Variants in MISP observed in about 807,000 individuals in gnomAD.
MISP encodes mitotic spindle positioning, also known as mitotic interactor and substrate of PLK1.
In MISP, 51 loss-of-function variants were observed where a neutral mutation model predicts 49.3. The ratio of observed to expected loss-of-function variants is 1.03; its 90% confidence interval spans 0.83 to 1.31. MISP has a LOEUF of 1.31. MISP is among the 50% of genes most tolerant of loss of function. MISP has a pLI of 0.00. For missense variants in MISP, 1,084 were observed against 935.1 expected, an observed-to-expected ratio of 1.16 and a Z score of -2.08; for synonymous variants, 444 against 392.6, an observed-to-expected ratio of 1.13 and a Z score of -1.55.
chr19:761,527 C>T (rs2033671551), intron 3 of MISP, 98 bp from the exon 4 acceptor site: 3 of 1,416,112 alleles, frequency 2.1e-6, no homozygotes, highest in Non-Finnish European at 3.0e-6. Flanking sequence ...TCCACTCTTC[C>T]CCAAATGGTG....
chr19:754,381 T>G (rs554721779), intron 1 of MISP, among the ~76,000 whole-genome samples: 34 of 152,194 alleles, frequency 2.2e-4, no homozygotes, highest in South Asian at 1.0e-3. Context: ...GAGAATGGCG[T>G]GAACCTGGGA....
At chr19:751,658 C>G (rs56002617) in intron 1 of MISP, among the ~76,000 whole-genome samples, 5 of 152,136 alleles carry the variant, frequency 3.3e-5, no homozygotes, top group African/African-American at 1.2e-4. Context: ...TGGCTGAGTA[C>G]AGGCGGAAGG....
Position 758,622 on chromosome 19 carries a change from A to G in MISP, c.1676A>G (p.Gln559Arg), listed in dbSNP as rs1050394730. 7.4e-6 allele frequency: 12 copies of G among 1,614,096 alleles called. No individual in the cohort carries two copies. In the African/African-American group the frequency reaches 1.5e-4, roughly 20 times the overall value. The change falls in exon 2 of 5, where the codon CAA becomes CGA. Residue 559 changes from glutamine to arginine, a missense_variant. Coordinates refer to ENST00000215582, the MANE Select transcript of MISP (RefSeq NM_173481.4). ...AGGGAGAGTGTCCTGCGCCGGGAGCAAGAGGTGGCAGAGGAGCGGAGAAAT... is the reference window on the plus strand; with the variant it reads ...AGGGAGAGTGTCCTGCGCCGGGAGCGAGAGGTGGCAGAGGAGCGGAGAAAT... ...RERESVLRRE[Q>R]EVAEERRNAL...
chr19:759,315 C>T (rs1232509287), intron 2 of MISP, among the ~76,000 whole-genome samples: 1 of 151,948 alleles, frequency 6.6e-6, no homozygotes, highest in Non-Finnish European at 1.5e-5. Flanking sequence ...TGAGCCACTG[C>T]TCCCGGCCTG....
intron 1 of MISP, among the ~76,000 whole-genome samples, 200 bp from the exon 2 acceptor site, chr19:756,690 G>A (rs546083771): frequency 6.7e-6 from 1 of 148,786 alleles, no homozygotes; most frequent in African/African-American, 2.6e-5. Context: ...TGATTGGCTG[G>A]ACTGTCACTT....
chr19:750,138 C>T (rs903067819), upstream of MISP, among the ~76,000 whole-genome samples: 21 of 151,054 alleles, frequency 1.4e-4, no homozygotes, highest in South Asian at 2.1e-4. Flanking sequence ...AGGGCCTCTG[C>T]GTCCCCATCT....
chr19:752,507 G>A (rs1387065704), intron 1 of MISP, among the ~76,000 whole-genome samples: 2 of 144,008 alleles, frequency 1.4e-5, no homozygotes. Flanking sequence ...CTGGGCGACA[G>A]AGGGAGACTC....
At chr19:754,557 G>A (rs1386848402) in intron 1 of MISP, among the ~76,000 whole-genome samples, 1 of 152,242 alleles carries the variant, frequency 6.6e-6, no homozygotes, top group Non-Finnish European at 1.5e-5. Context: ...AACCCGGGAG[G>A]TGGAGATTGC....
At chr19:754,357 G>A (rs368981662) in intron 1 of MISP, among the ~76,000 whole-genome samples, 5 of 152,154 alleles carry the variant, frequency 3.3e-5, no homozygotes, top group African/African-American at 1.2e-4. Flanking sequence ...CCAGCTCTAG[G>A]GAGGCTGAGG....
intron 1 of MISP, among the ~76,000 whole-genome samples, chr19:755,741 G>C (rs1385449279): frequency 6.6e-6 from 1 of 152,114 alleles, no homozygotes. Flanking sequence ...AGACCAACCT[G>C]GCCAACATGG....
At chr19:750,188 CTTTTTTTTTTT>C (rs71174321), upstream of MISP, among the ~76,000 whole-genome samples, 13 of 112,642 alleles carry the variant, frequency 1.2e-4, no homozygotes, top group Admixed American at 2.0e-4. Flanking sequence ...TCGTGCGGTT[CTTTTTTTTTTT>C]TTTTTTTTTT....
intron 2 of MISP, among the ~76,000 whole-genome samples, chr19:759,512 G>A (rs574674111): frequency 4.0e-5 from 6 of 150,134 alleles, no homozygotes; most frequent in South Asian, 2.1e-4. Flanking sequence ...CCATTCTCTC[G>A]CCTCAGCCTC....
At chr19:760,318 G>C in intron 3 of MISP, 1 of 316,536 alleles carries the variant, frequency 3.2e-6, no homozygotes, top group East Asian at 6.7e-5. Context: ...ACTCTGCTTG[G>C]AGGAGGAGGA....
In MISP at chr19:758,479, C is replaced by T; in HGVS notation, c.1533C>T (p.Phe511=). ...ACTTCCGCCTGCGTCCTCTGCGGTT[C>T]AGGGCCCCAGACGAGCCCCAGCAGG... ...WEYFRLRPLR[F]RAPDEPQQAQ... Residue 511 remains phenylalanine, a synonymous_variant, in exon 2 of 5, where the codon TTC becomes TTT. Coordinates refer to ENST00000215582, the MANE Select transcript of MISP (RefSeq NM_173481.4). The T allele has an allele frequency of 6.2e-7, 1 of 1,614,126 alleles. No homozygotes were observed. Among genetic ancestry groups the T allele is most frequent in the Non-Finnish European group, 8.5e-7 (1 of 1,179,996 alleles).
intron 1 of MISP, 23 bp from the exon 2 acceptor site, chr19:756,867 C>T: frequency 1.6e-6 from 2 of 1,250,636 alleles, no homozygotes; most frequent in Non-Finnish European, 2.2e-6. Context: ...CTTGATGGCC[C>T]TCATTTCCTT....
At chr19:753,310 C>A (rs1481828009) in intron 1 of MISP, among the ~76,000 whole-genome samples, 1 of 152,110 alleles carries the variant, frequency 6.6e-6, no homozygotes, top group Admixed American at 6.5e-5. Flanking sequence ...CGGCTCCCCA[C>A]GGTCTCTCCA....
upstream of MISP, among the ~76,000 whole-genome samples, chr19:750,054 G>A (rs908772984): frequency 1.3e-5 from 2 of 152,042 alleles, no homozygotes; most frequent in Admixed American, 1.3e-4. Context: ...CTTCCCCACA[G>A]ATGCTGGGCT....
At chr19:753,142 A>G (rs766269095) in intron 1 of MISP, among the ~76,000 whole-genome samples, 1 of 152,176 alleles carries the variant, frequency 6.6e-6, no homozygotes, top group East Asian at 1.9e-4. Flanking sequence ...GCCTCGGGTC[A>G]GGGGAGCCAT....
Position 757,912 on chromosome 19 carries a change from G to A in MISP, c.966G>A (p.Leu322=), listed in dbSNP as rs2144961167. ...GLRQATDHQE[L]VEIPTRPLLT... ...GGCAGGCAACCGACCACCAGGAGCT[G>A]GTGGAAATCCCCACCAGGCCGCTGC... is the stretch of plus-strand genomic sequence containing the variant. Residue 322 remains leucine (L), a synonymous_variant, in exon 2 of 5, where the codon CTG becomes CTA. Transcript: ENST00000215582. 1 of 1,603,528 alleles carries A rather than the reference G, an allele frequency of 6.2e-7. No individual in the cohort carries two copies. Among genetic ancestry groups the A allele is most frequent in the Non-Finnish European group, 8.5e-7 (1 of 1,179,612 alleles).
Sources: gnomAD v4.1 joint callset for allele counts (sites outside exome capture counted in the v4.1 genomes callset) on GRCh38, gnomAD v4.1.1 for gene constraint, MANE v1.5 for transcripts, NCBI Gene and HGNC (gene_info 2026-07-23, HGNC 2026-07-21) for gene names.